The following SLCO3A1 variants were observed in gnomAD, a reference collection of about 807,000 sequenced individuals.
SLCO3A1 encodes the protein PGE1 transporter.
A neutral mutation model predicts 63.1 loss-of-function variants in SLCO3A1; 27 were observed. The observed-to-expected ratio is 0.43, with a 90% CI of 0.32 to 0.59. The LOEUF is 0.59. Ranked by LOEUF, SLCO3A1 falls within the 20% of genes least tolerant of loss-of-function variation. The pLI is 0.09. For synonymous variants in SLCO3A1, 473 were observed against 409.9 expected (o/e 1.15, Z -1.86); for missense variants, 773 against 945.8 (o/e 0.82, Z 2.40).
chr15:91,887,912 A>G (rs1171740114), intron 1 of SLCO3A1, among the ~76,000 whole-genome samples: 1 of 152,192 alleles, frequency 6.6e-6, no homozygotes, highest in Non-Finnish European at 1.5e-5. Flanking sequence ...TGTTTGTGAA[A>G]AGCACCTTGT....
At chr15:92,082,042 G>C (rs1385891561) in intron 2 of SLCO3A1, among the ~76,000 whole-genome samples, 1 of 152,192 alleles carries the variant, frequency 6.6e-6, no homozygotes, top group Non-Finnish European at 1.5e-5. Flanking sequence ...TTGTGATGGA[G>C]ATAATTCTAT....
intron 2 of SLCO3A1, among the ~76,000 whole-genome samples, chr15:91,998,877 A>G (rs1429851737): frequency 6.6e-6 from 1 of 152,260 alleles, no homozygotes; most frequent in Non-Finnish European, 1.5e-5. Context: ...TAGCAAAGAC[A>G]TGGACTCAGC....
intron 2 of SLCO3A1, among the ~76,000 whole-genome samples, chr15:91,922,357 TA>T (rs1243182658): frequency 6.6e-6 from 1 of 152,172 alleles, no homozygotes; most frequent in Non-Finnish European, 1.5e-5. Flanking sequence ...GAGGCACACG[TA>T]TTAGACACAA....
chr15:92,131,867 C>T (rs2151571965), intron 7 of SLCO3A1, among the ~76,000 whole-genome samples: 1 of 146,234 alleles, frequency 6.8e-6, no homozygotes, highest in Admixed American at 6.8e-5. Context: ...TAGTGCCCTT[C>T]CTGCAAACCC....
chr15:91,889,194 C>G, intron 1 of SLCO3A1: 1 of 1,282,976 alleles, frequency 7.8e-7, no homozygotes, highest in Non-Finnish European at 1.0e-6. Context: ...GATGCATGCT[C>G]CTTAGATGAA....
At position 91,896,794 on chromosome 15, in the gene SLCO3A1, GA is replaced by G. The variant is rs370942260; in HGVS notation, c.181-19198del. On this transcript the variant is annotated intron_variant, in intron 1 of 9. Transcript: ENST00000318445. ...GACTAATACAGAGGTGCTTTTTCTG[GA>G]GGGACACTCTGATTAGTGTGAATAA... Among the ~76,000 whole-genome samples, 167 of 152,322 alleles carry G rather than the reference GA, an allele frequency of 1.1e-3. 4 individuals carry two copies. In the East Asian group the frequency reaches 0.029, roughly 26 times the overall value.
chr15:91,863,963 A>G lies in SLCO3A1; in HGVS notation c.180+9875A>G, dbSNP rs1410317521. 2.6e-5 allele frequency among the ~76,000 whole-genome samples: 4 copies of G among 152,236 alleles called. No individual in the cohort carries two copies. The highest frequency in any genetic ancestry group is 5.9e-5 in the Non-Finnish European group (4 of 68,038). On this transcript the variant is annotated intron_variant, in intron 1 of 9. Transcript: ENST00000318445. The surrounding 1 kb of genome is among the most constrained non-coding windows in gnomAD (Gnocchi z 4.3). ...CCTTTACCTTTGCCAAGCTGTATAC[A>G]TGCATCAAGGAGATGCATATAAATA...
intron 2 of SLCO3A1, among the ~76,000 whole-genome samples, chr15:91,969,136 C>G (rs1900766065): frequency 6.6e-6 from 1 of 152,154 alleles, no homozygotes; most frequent in Non-Finnish European, 1.5e-5. Flanking sequence ...AGCACATGTA[C>G]AGAAATATGT....
intron 2 of SLCO3A1, among the ~76,000 whole-genome samples, chr15:92,028,338 C>G (rs1434669092): frequency 6.6e-6 from 1 of 152,156 alleles, no homozygotes; most frequent in Non-Finnish European, 1.5e-5. Flanking sequence ...CCAAAATCTG[C>G]CCCCCACCCT....
chr15:91,940,360 G>A (rs1197467681), intron 2 of SLCO3A1, among the ~76,000 whole-genome samples: 1 of 152,140 alleles, frequency 6.6e-6, no homozygotes, highest in East Asian at 1.9e-4. Context: ...TTCACAGCCC[G>A]TGAGACTCCC....
chr15:91,941,580 A>G lies in SLCO3A1; in HGVS notation c.646+25122A>G, dbSNP rs781777250. 3.5e-5 allele frequency: 16 copies of G among 455,850 alleles called. No homozygotes were observed. The highest frequency in any genetic ancestry group is 2.5e-4 in the South Asian group (16 of 64,560). The allele number at this position is 455,850 out of a possible 1,614,324, so 28.2% of individuals were successfully genotyped here. A position where few individuals can be genotyped will look rare whatever the true frequency, so the allele number is the denominator to read the frequency against. ...AACCAGAGGTTTATTTCACTCAGTAAGTAATCTTTTCTCTTCCTTCGTCTT... is the reference window on the plus strand; with the variant it reads ...AACCAGAGGTTTATTTCACTCAGTAGGTAATCTTTTCTCTTCCTTCGTCTT... On this transcript the variant is annotated intron_variant, in intron 2 of 9. Transcript: ENST00000318445. The surrounding 1 kb of genome is among the most constrained non-coding windows in gnomAD (Gnocchi z 4.4).
intron 2 of SLCO3A1, among the ~76,000 whole-genome samples, chr15:91,995,733 GAA>G (rs34688452): frequency 1.5e-4 from 12 of 79,776 alleles, no homozygotes; most frequent in African/African-American, 4.9e-4. Flanking sequence ...AGATTTTCTT[GAA>G]AAAAAAAAAA....
At chr15:92,103,829 G>T (rs557013594) in intron 3 of SLCO3A1, among the ~76,000 whole-genome samples, 1 of 152,178 alleles carries the variant, frequency 6.6e-6, no homozygotes, top group African/African-American at 2.4e-5. Flanking sequence ...CTTATGAGCT[G>T]TGAACCTAAA....
rs1347207535 is a variant in SLCO3A1 at position 91,885,591 on chromosome 15, G to A, written c.181-30402G>A. ...CTTAGAATTGGCCCTTGGTTGGTTT[G>A]TAGCATTTATACAATATCAACCCTT... On this transcript the variant is annotated intron_variant, in intron 1 of 9. Coordinates refer to ENST00000318445, the MANE Select transcript of SLCO3A1 (RefSeq NM_013272.4). The surrounding 1 kb of genome is among the most constrained non-coding windows in gnomAD (Gnocchi z 4.7). Among the ~76,000 whole-genome samples the A allele has an allele frequency of 6.6e-6, 1 of 152,220 alleles. No homozygotes were observed. The highest frequency in any genetic ancestry group is 1.5e-5 in the Non-Finnish European group (1 of 68,036).
chr15:92,037,152 G>T (rs10520702), intron 2 of SLCO3A1, among the ~76,000 whole-genome samples: 2 of 152,052 alleles, frequency 1.3e-5, no homozygotes, highest in African/African-American at 4.8e-5. Context: ...ATTCTCCATA[G>T]TTAGTTTCTC....
At chr15:92,142,664 T>A (rs1350877539) in intron 7 of SLCO3A1, among the ~76,000 whole-genome samples, 1 of 152,226 alleles carries the variant, frequency 6.6e-6, no homozygotes, top group Non-Finnish European at 1.5e-5. Context: ...AGCTTAACCC[T>A]GCTGTCTGCT....
chr15:92,114,851 C>T (rs992884933), intron 4 of SLCO3A1, among the ~76,000 whole-genome samples: 26 of 152,048 alleles, frequency 1.7e-4, no homozygotes, highest in African/African-American at 5.8e-4. Flanking sequence ...TCAAATCCAC[C>T]CTCCCTCACC....
chr15:91,896,231 C>T (rs892225590), intron 1 of SLCO3A1, among the ~76,000 whole-genome samples: 1 of 152,210 alleles, frequency 6.6e-6, no homozygotes, highest in Non-Finnish European at 1.5e-5. Flanking sequence ...TAAGCATATG[C>T]ACCTCTCTAT....
chr15:92,120,603 C>T lies in SLCO3A1; in HGVS notation c.1148C>T (p.Thr383Ile). The T allele has an allele frequency of 6.2e-7, 1 of 1,613,848 alleles. No individual in the cohort carries two copies. Among genetic ancestry groups the T allele is most frequent in the Non-Finnish European group, 8.5e-7 (1 of 1,179,952 alleles). The change falls in exon 5 of 10, where the codon ACC (threonine) becomes ATC (isoleucine). Residue 383 changes from threonine to isoleucine, a missense_variant. By Grantham distance (89) the Thr-to-Ile change is moderately conservative (BLOSUM62 -1). Transcript: ENST00000318445. ...TACCTGGAGCAGCAGTTTAACCTCA[C>T]CACCTCTTCTGCCAACCAGCTGCTT... Reference protein sequence around the residue: ...GKYLEQQFNLTTSSANQLLGM... With the variant: ...GKYLEQQFNLITSSANQLLGM...
Sources: gnomAD v4.1 joint callset for allele counts (sites outside exome capture counted in the v4.1 genomes callset) on GRCh38, gnomAD v4.1.1 for gene constraint, Gnocchi (gnomAD v3.1) non-coding constraint, MANE v1.5 for transcripts, NCBI Gene and HGNC (gene_info 2026-07-23, HGNC 2026-07-21) for gene names.